The following OSBPL10 variants were observed in gnomAD, a reference collection of about 807,000 sequenced individuals.
OSBPL10 encodes the protein oxysterol binding protein like 10, also known as oxysterol-binding protein-related protein 10.
Under a neutral mutation model 81.7 loss-of-function variants are expected in OSBPL10, and 49 were observed. The ratio of observed to expected loss-of-function variants is 0.60; its 90% CI spans 0.48 to 0.76. The LOEUF is 0.76. Among genes scored for constraint, OSBPL10 ranks in the 30% least tolerant of loss-of-function variants. The pLI is 0.00. For synonymous variants in OSBPL10, 419 were observed against 383.6 expected (o/e 1.09, Z -1.08); for missense variants, 923 against 987.8 (o/e 0.93, Z 0.88).
Position 31,830,503 on chromosome 3 carries a change from G to A in OSBPL10, c.538-272C>T, listed in dbSNP as rs774255662. On this transcript the variant is annotated intron_variant, in intron 3 of 11. Coordinates refer to ENST00000396556, the MANE Select transcript of OSBPL10 (RefSeq NM_017784.5). The stretch of plus-strand genomic sequence containing the variant: ...GCTATTCAAAATCCTGCCCCCCACC[G>A]TCCCCGACCCACACACCATGGACGC... Among the ~76,000 whole-genome samples the A allele has an allele frequency of 1.6e-4, 25 of 151,904 alleles. 1 individual carries two copies. Among genetic ancestry groups the A allele is most frequent in the Non-Finnish European group, 2.5e-4 (17 of 67,966 alleles).
chr3:31,951,015 G>A (rs913057970), intron 1 of OSBPL10, among the ~76,000 whole-genome samples: 3 of 152,068 alleles, frequency 2.0e-5, no homozygotes, highest in South Asian at 2.1e-4. Context: ...AATGCAAAAC[G>A]GACTAACACA....
At chr3:31,883,607 C>T (rs1371038748) in intron 1 of OSBPL10, among the ~76,000 whole-genome samples, 29 of 147,198 alleles carry the variant, frequency 2.0e-4, no homozygotes, top group African/African-American at 7.4e-4. Flanking sequence ...TCTTGGCTTA[C>T]TGCAACCTCC....
intron 1 of OSBPL10, among the ~76,000 whole-genome samples, chr3:31,950,827 T>C (rs375321357): frequency 4.6e-5 from 7 of 152,154 alleles, no homozygotes; most frequent in African/African-American, 1.7e-4. Context: ...CTCTCTCTCT[T>C]GCTCCCTCTC....
intron 5 of OSBPL10, among the ~76,000 whole-genome samples, chr3:31,738,085 C>T (rs1697240325): frequency 6.6e-6 from 1 of 151,262 alleles, no homozygotes; most frequent in Non-Finnish European, 1.5e-5. Context: ...GGAGAGAGAC[C>T]AAATCAATGG....
intron 4 of OSBPL10, among the ~76,000 whole-genome samples, chr3:31,793,766 G>T (rs944994953): frequency 3.9e-5 from 6 of 152,176 alleles, no homozygotes; most frequent in East Asian, 1.9e-4. Context: ...TTAAAAAGTG[G>T]TTTTTTGACT....
chr3:31,859,557 T>A (rs1319785471), intron 3 of OSBPL10, among the ~76,000 whole-genome samples: 1 of 152,250 alleles, frequency 6.6e-6, no homozygotes, highest in Non-Finnish European at 1.5e-5. Flanking sequence ...AGTAAGTTCA[T>A]GATGGACCCA....
intron 8 of OSBPL10, among the ~76,000 whole-genome samples, chr3:31,674,401 T>TAAA (rs1316850153): frequency 1.8e-4 from 27 of 150,884 alleles, no homozygotes; most frequent in Non-Finnish European, 2.8e-4. Context: ...AAAAAAATTT[T>TAAA]AAAAAAAAAT....
intron 2 of OSBPL10, among the ~76,000 whole-genome samples, chr3:32,013,833 T>G (rs780337764): frequency 6.6e-6 from 1 of 152,122 alleles, no homozygotes; most frequent in Non-Finnish European, 1.5e-5. Context: ...GCAAATAAAC[T>G]TGAAAATCTA....
intron 3 of OSBPL10, among the ~76,000 whole-genome samples, chr3:31,845,710 A>T (rs925362837): frequency 3.9e-5 from 6 of 152,102 alleles, no homozygotes; most frequent in Admixed American, 1.3e-4. Context: ...AAAAGCAGTC[A>T]CTCCACCAAG....
chr3:31,989,535 A>T, intron 2 of OSBPL10: 1 of 1,614,250 alleles, frequency 6.2e-7, no homozygotes, highest in Non-Finnish European at 8.5e-7. Flanking sequence ...AGCCTATCAA[A>T]GATCAGCTTG....
At chr3:31,910,629 C>G (rs373436568) in intron 1 of OSBPL10, among the ~76,000 whole-genome samples, 4 of 151,132 alleles carry the variant, frequency 2.6e-5, no homozygotes, top group African/African-American at 4.9e-5. Context: ...GAGTGAGACT[C>G]TAGCTCAAAA....
chr3:31,904,051 C>T (rs1696333634), intron 1 of OSBPL10, among the ~76,000 whole-genome samples: 2 of 152,062 alleles, frequency 1.3e-5, no homozygotes, highest in Admixed American at 1.3e-4. Context: ...ATAATACTAC[C>T]GCCCTAAAAG....
chr3:31,862,217 CT>C (rs1242403532), intron 3 of OSBPL10, among the ~76,000 whole-genome samples: 2 of 151,982 alleles, frequency 1.3e-5, no homozygotes, highest in African/African-American at 4.8e-5. Flanking sequence ...TAGCACCTGC[CT>C]TTTGATGGGA....
intron 4 of OSBPL10, chr3:31,795,693 AT>A: frequency 4.7e-6 from 1 of 210,650 alleles, no homozygotes; most frequent in Non-Finnish European, 1.1e-5. Context: ...AGCGCAGGAA[AT>A]GAGGGAAATC....
chr3:31,695,739 A>T (rs1695698355), intron 7 of OSBPL10, among the ~76,000 whole-genome samples: 2 of 152,110 alleles, frequency 1.3e-5, no homozygotes, highest in South Asian at 4.1e-4. Flanking sequence ...CAATCCTCCT[A>T]CCTGCTTCCT....
At chr3:31,693,711 A>T in intron 7 of OSBPL10, among the ~76,000 whole-genome samples, 1 of 152,224 alleles carries the variant, frequency 6.6e-6, no homozygotes, top group East Asian at 1.9e-4. Context: ...GAATGGTTGC[A>T]GTAGACACAA....
rs542850687 is a variant in OSBPL10, at chr3:31,776,779, G to C, written c.730-28659C>G. Among the ~76,000 whole-genome samples the C allele has an allele frequency of 4.5e-4, 69 of 152,268 alleles. 1 individual carries two copies. The Middle Eastern group carries it at 0.01, about 23-fold the overall frequency. ...CCATGATTGGTTGTTGCCCAGGGCT[G>C]GGGGGAGGAGGGAAGGGAGGGCTGA... On this transcript the variant is annotated intron_variant, in intron 4 of 11. Coordinates refer to ENST00000396556, the MANE Select transcript of OSBPL10 (RefSeq NM_017784.5).
chr3:32,023,402 C>T lies in OSBPL10; in HGVS notation n.298+23089G>A, dbSNP rs533927589. 5.3e-5 allele frequency among the ~76,000 whole-genome samples: 8 copies of T among 152,304 alleles called. No individual in the cohort carries two copies. In the East Asian group the frequency reaches 1.5e-3, roughly 29 times the overall value. On this transcript the variant is annotated intron_variant and non_coding_transcript_variant, in intron 2 of 3. Transcript: ENST00000479173. ...TTTATCTTCCGCCACAATTGTGAGGCCTCCCCAGCCATGTGAAACTGTGAG... is the reference window on the plus strand; with the variant it reads ...TTTATCTTCCGCCACAATTGTGAGGTCTCCCCAGCCATGTGAAACTGTGAG...
intron 6 of OSBPL10, among the ~76,000 whole-genome samples, chr3:31,724,298 C>T (rs748318490): frequency 6.6e-6 from 1 of 152,108 alleles, no homozygotes; most frequent in Non-Finnish European, 1.5e-5. Context: ...TATATGGCTC[C>T]AGCTCACAGT....
Sources: allele counts gnomAD v4.1 joint callset (sites outside exome capture counted in the v4.1 genomes callset), GRCh38; gene constraint gnomAD v4.1.1; transcripts MANE v1.5; gene names NCBI Gene and HGNC (gene_info 2026-07-23, HGNC 2026-07-21).